RAP1GAP2: variants seen among roughly 807,000 people sequenced by gnomAD.
RAP1GAP2 encodes the protein RAP1 GTPase activating protein 2, also known as rap1 GTPase-activating protein 2.
RAP1GAP2 carries 27 observed loss-of-function variants against 95.0 expected under a neutral mutation model. The ratio of observed to expected loss-of-function variants is 0.28; its 90% CI spans 0.21 to 0.39. RAP1GAP2 has a LOEUF of 0.39. Among genes scored for constraint, RAP1GAP2 ranks in the 10% least tolerant of loss-of-function variants. The pLI, the probability that RAP1GAP2 is intolerant of heterozygous loss-of-function variation, is 1.00. For missense variants in RAP1GAP2, 771 were observed against 970.0 expected, an observed-to-expected ratio of 0.79 and a Z score of 2.72; for synonymous variants, 373 against 380.9, an observed-to-expected ratio of 0.98 and a Z score of 0.24.
intron 8 of RAP1GAP2, among the ~76,000 whole-genome samples, chr17:2,968,412 A>G (rs2044709598): frequency 6.6e-6 from 1 of 152,240 alleles, no homozygotes; most frequent in Admixed American, 6.5e-5. Context: ...TATGGAGGGT[A>G]GTGAGCAGGA....
At chr17:2,880,760 A>T (rs1057393680) in intron 2 of RAP1GAP2, among the ~76,000 whole-genome samples, 4 of 151,594 alleles carry the variant, frequency 2.6e-5, no homozygotes, top group Admixed American at 6.6e-5. Flanking sequence ...CAGATTTCAT[A>T]TTTTTTTTGG....
At chr17:2,955,667 T>C (rs569706619) in intron 3 of RAP1GAP2, among the ~76,000 whole-genome samples, 2 of 152,374 alleles carry the variant, frequency 1.3e-5, no homozygotes, top group African/African-American at 4.8e-5. Flanking sequence ...GGTCTGGGCT[T>C]TCCTTCGTGC....
At chr17:2,798,802 T>C (rs534295990) in intron 1 of RAP1GAP2, among the ~76,000 whole-genome samples, 23 of 152,310 alleles carry the variant, frequency 1.5e-4, no homozygotes, top group African/African-American at 4.8e-4. Context: ...GTGGGAACTC[T>C]GGTGGGCTGG....
At chr17:2,767,089 C>T (rs552263818) in intron 1 of RAP1GAP2, among the ~76,000 whole-genome samples, 7 of 151,844 alleles carry the variant, frequency 4.6e-5, no homozygotes, top group African/African-American at 1.4e-4. Context: ...GGTGGCCAGG[C>T]GTGGTGGCTC....
intron 2 of RAP1GAP2, among the ~76,000 whole-genome samples, 151 bp downstream of exon 2, chr17:2,800,701 G>A (rs547785284): frequency 4.0e-4 from 61 of 152,290 alleles, no homozygotes; most frequent in Middle Eastern, 6.8e-3. Context: ...GATCGGAGGA[G>A]GCTGGACTAA....
chr17:2,927,394 C>T (rs900680530), intron 3 of RAP1GAP2, among the ~76,000 whole-genome samples: 5 of 151,938 alleles, frequency 3.3e-5, no homozygotes, highest in African/African-American at 9.7e-5. Context: ...ACCTCGTGAT[C>T]CGCCCGCCTT....
rs1315834985 is a variant in RAP1GAP2, at chr17:2,818,012, A to AT, written c.80+17467dup. Reference sequence around the variant, plus strand: ...CGACCACGCCTGGCTAATTTTTTGTATTTTTAACAGAGACGGGGTTTCACT... The same window carrying AT: ...CGACCACGCCTGGCTAATTTTTTGTATTTTTTAACAGAGACGGGGTTTCACT... On this transcript the variant is annotated intron_variant, in intron 2 of 24. Transcript: ENST00000254695. Among the ~76,000 whole-genome samples, 2 of 150,666 alleles carry AT rather than the reference A, an allele frequency of 1.3e-5. 1 individual carries two copies. The highest frequency in any genetic ancestry group is 4.9e-5 in the African/African-American group (2 of 40,870).
intron 17 of RAP1GAP2, among the ~76,000 whole-genome samples, chr17:3,009,862 C>T (rs902182391): frequency 1.3e-5 from 2 of 151,908 alleles, no homozygotes; most frequent in African/African-American, 2.4e-5. Context: ...GACAACCCAG[C>T]GAGAGAATGG....
At position 2,963,995 on chromosome 17, in the gene RAP1GAP2, G is replaced by T. The variant is rs749944494; in HGVS notation, c.419G>T (p.Ser140Ile). Residue 140 changes from serine to isoleucine, a missense_variant, in exon 7 of 25, where the codon AGC (serine) becomes ATC (isoleucine). Coordinates refer to ENST00000254695, the MANE Select transcript of RAP1GAP2 (RefSeq NM_015085.5). This position sits in a 1 kb window ranked among gnomAD's most constrained non-coding sequence, Gnocchi z 4.8. The part of the protein sequence containing the change: ...ICEEEEEDNL[S>I]PNTFGYKLEC... ...GAGGAGGAGGAAGAGGACAACCTCAGCCCCAACACATTTGGCTACAAGCTC... is the reference window on the plus strand; with the variant it reads ...GAGGAGGAGGAAGAGGACAACCTCATCCCCAACACATTTGGCTACAAGCTC... 5 of 1,612,804 alleles carry T rather than the reference G, an allele frequency of 3.1e-6. No individual in the cohort carries two copies. The highest frequency in any genetic ancestry group is 4.2e-6 in the Non-Finnish European group (5 of 1,179,698).
At chr17:2,849,999 CTTTTTTTTTTT>C (rs5818878) in intron 2 of RAP1GAP2, among the ~76,000 whole-genome samples, 1 of 132,544 alleles carries the variant, frequency 7.5e-6, no homozygotes, top group Admixed American at 7.9e-5. Context: ...ACACTGCCTG[CTTTTTTTTTTT>C]TTTTTTTTGA....
chr17:3,004,756 C>G lies in RAP1GAP2; in HGVS notation c.1201-613C>G, dbSNP rs555216779. Among the ~76,000 whole-genome samples the G allele has an allele frequency of 6.6e-6, 1 of 152,228 alleles. No individual in the cohort carries two copies. Among genetic ancestry groups the G allele is most frequent in the Admixed American group, 6.5e-5 (1 of 15,290 alleles). On this transcript the variant is annotated intron_variant, in intron 14 of 24. Coordinates refer to ENST00000254695, the MANE Select transcript of RAP1GAP2 (RefSeq NM_015085.5). This position sits in a 1 kb window ranked among gnomAD's most constrained non-coding sequence, Gnocchi z 4.1. ...GGTCCACCGGCTGCACGAGAGTTTC[C>G]GGGGGGCCCTACCCTTCCGATTCGG...
At chr17:2,938,858 G>A (rs1054546029) in intron 3 of RAP1GAP2, among the ~76,000 whole-genome samples, 10 of 151,862 alleles carry the variant, frequency 6.6e-5, no homozygotes, top group African/African-American at 2.4e-4. Context: ...ATGGTGGCGG[G>A]TGCCTGTAAC....
intron 1 of RAP1GAP2, among the ~76,000 whole-genome samples, chr17:2,769,624 T>TCC (rs1388806170): frequency 1.3e-5 from 2 of 151,776 alleles, no homozygotes; most frequent in Non-Finnish European, 2.9e-5. Context: ...AAAAAATAAG[T>TCC]CCAATGTCTT....
intron 12 of RAP1GAP2, 63 bp downstream of exon 12, chr17:2,991,460 C>T (rs2045747287): frequency 1.0e-5 from 13 of 1,278,304 alleles, no homozygotes; most frequent in Non-Finnish European, 1.4e-5. Context: ...AAGGGCAAGA[C>T]AGCTCAGTCC....
chr17:2,805,643 G>C (rs930595129), intron 2 of RAP1GAP2, among the ~76,000 whole-genome samples: 2 of 152,114 alleles, frequency 1.3e-5, no homozygotes, highest in African/African-American at 4.8e-5. Context: ...AAAGTGTTGG[G>C]ATTACAGGCG....
chr17:2,935,648 A>G (rs2043284647), intron 3 of RAP1GAP2, among the ~76,000 whole-genome samples: 2 of 152,104 alleles, frequency 1.3e-5, no homozygotes, highest in South Asian at 4.1e-4. Context: ...GCCGGCAGAC[A>G]TTTGTCGTTC....
chr17:2,804,737 CA>C (rs2069443880), intron 2 of RAP1GAP2, among the ~76,000 whole-genome samples: 1 of 152,144 alleles, frequency 6.6e-6, no homozygotes, highest in African/African-American at 2.4e-5. Flanking sequence ...TGCAGGGGTA[CA>C]GGGGCTATGG....
At chr17:3,009,778 A>C (rs2046453731) in intron 17 of RAP1GAP2, among the ~76,000 whole-genome samples, 1 of 152,140 alleles carries the variant, frequency 6.6e-6, no homozygotes, top group Admixed American at 6.5e-5. Context: ...CGGGTGAAAT[A>C]GGAGAAATTG....
At chr17:2,950,525 CA>C (rs2043881204) in intron 3 of RAP1GAP2, among the ~76,000 whole-genome samples, 1 of 152,044 alleles carries the variant, frequency 6.6e-6, no homozygotes, top group Non-Finnish European at 1.5e-5. Context: ...CACTGCAGAC[CA>C]GACCCTGGCT....
Sources: gnomAD v4.1 joint callset for allele counts (sites outside exome capture counted in the v4.1 genomes callset) on GRCh38, gnomAD v4.1.1 for gene constraint, Gnocchi (gnomAD v3.1) non-coding constraint, MANE v1.5 for transcripts, NCBI Gene and HGNC (gene_info 2026-07-23, HGNC 2026-07-21) for gene names.